ZNF619: variants seen among roughly 807,000 people sequenced by gnomAD.
The protein encoded by ZNF619 is zinc finger protein 619.
A neutral mutation model predicts 14.2 loss-of-function variants in ZNF619; 9 were observed. The observed-to-expected ratio is 0.64, with a 90% CI of 0.38 to 1.11. The LOEUF (loss-of-function observed/expected upper bound fraction) is 1.11, where lower values mean the gene tolerates loss of function less well. ZNF619 is among the 50% of genes least tolerant of loss of function. The pLI, the probability that ZNF619 is intolerant of heterozygous loss-of-function variation, is 0.01. For missense variants in ZNF619, 659 were observed against 680.1 expected (o/e 0.97, Z 0.34); for synonymous variants, 246 against 252.8 (o/e 0.97, Z 0.26).
Position 40,482,560 on chromosome 3 carries a change from C to T in ZNF619, c.179-28C>T, listed in dbSNP as rs1239566607. 8.7e-6 allele frequency: 14 copies of T among 1,608,300 alleles called. No homozygotes were observed. In the Admixed American group the frequency reaches 2.3e-4, roughly 27 times the overall value. On this transcript the variant is annotated intron_variant, in intron 3 of 4. Coordinates refer to ENST00000432264, the MANE Select transcript of ZNF619 (RefSeq NM_001145093.4). ...GGAGGTCAGTGTTGATTCTCCTCAG[C>T]TTCATGTTCCTTTTCTTTCTCCTGT...
chr3:40,483,308 T>G (rs1559537334), intron 4 of ZNF619, among the ~76,000 whole-genome samples: 1 of 151,820 alleles, frequency 6.6e-6, no homozygotes, highest in Admixed American at 6.6e-5. Flanking sequence ...TTTTTTTTTT[T>G]GAGATGGAGT....
At chr3:40,482,287 C>T (rs1277412651) in intron 3 of ZNF619, 19 of 1,551,892 alleles carry the variant, frequency 1.2e-5, no homozygotes, top group Middle Eastern at 3.3e-4. Context: ...GTTCCTGGTG[C>T]ACTGTCTTCA....
At position 40,478,013 on chromosome 3, in the gene ZNF619, G is replaced by C. The variant is rs1175646883; in HGVS notation, c.24+10G>C. 1.3e-6 allele frequency: 2 copies of C among 1,552,786 alleles called. No homozygotes were observed. The highest frequency in any genetic ancestry group is 1.7e-6 in the Non-Finnish European group (2 of 1,147,430). On this transcript the variant is annotated intron_variant, in intron 2 of 4. Transcript: ENST00000432264. The stretch of plus-strand genomic sequence containing the variant: ...GACAGTGTGGTTCCAGGTGAGCAGA[G>C]CTTTCTTTCAGCTTTCCATACTCAG...
rs146373910 is a variant in ZNF619 at position 40,486,753 on chromosome 3, T to C, written c.296-53T>C. Reference sequence around the variant, plus strand: ...GGGCAAGCTGTTACTGATTAACCCTTTTCCCTTCTGGAATAAATAAGGGAC... The same window carrying C: ...GGGCAAGCTGTTACTGATTAACCCTCTTCCCTTCTGGAATAAATAAGGGAC... On this transcript the variant is annotated intron_variant, in intron 4 of 4. Transcript: ENST00000432264. 262 of 1,431,908 alleles carry C rather than the reference T, an allele frequency of 1.8e-4. 2 individuals carry two copies. The African/African-American group carries it at 2.0e-3, about 11-fold the overall frequency. The allele number at this position is 1,431,908 out of a possible 1,614,324, so 88.7% of individuals were successfully genotyped here.
chr3:40,482,598 A>G lies in ZNF619; in HGVS notation c.189A>G (p.Pro63=). The change falls in exon 4 of 5, where the codon CCA becomes CCG. Residue 63 remains proline, a synonymous_variant. Coordinates refer to ENST00000432264, the MANE Select transcript of ZNF619 (RefSeq NM_001145093.4). The part of the protein sequence containing the change: ...YANVTSLSAF[P]FPKPDLIFQL... ...TTCTTTCTCCTGTAGCAGCATTTCC[A>G]TTCCCCAAACCAGATCTGATATTCC... 6.2e-7 allele frequency: 1 copy of G among 1,614,016 alleles called. No individual in the cohort carries two copies. The highest frequency in any genetic ancestry group is 8.5e-7 in the Non-Finnish European group (1 of 1,180,008).
intron 2 of ZNF619, among the ~76,000 whole-genome samples, chr3:40,481,231 G>A (rs948193950): frequency 2.0e-5 from 3 of 152,178 alleles, no homozygotes; most frequent in Non-Finnish European, 4.4e-5. Flanking sequence ...ATAATGAAGA[G>A]GACAGCATTG....
At chr3:40,480,589 C>G (rs1301608514) in intron 2 of ZNF619, among the ~76,000 whole-genome samples, 1 of 151,552 alleles carries the variant, frequency 6.6e-6, no homozygotes, top group Non-Finnish European at 1.5e-5. Flanking sequence ...AGCTCTGCCT[C>G]CGGGGTTCAC....
chr3:40,482,680 G>C lies in ZNF619; in HGVS notation c.271G>C (p.Glu91Gln), dbSNP rs202139993. 1.9e-6 allele frequency: 3 copies of C among 1,613,852 alleles called. No homozygotes were observed. The highest frequency in any genetic ancestry group is 2.5e-6 in the Non-Finnish European group (3 of 1,179,872). ...GPDPWTLAGG[E>Q]ALRGMCTGGK... is the part of the protein sequence containing the mutation. ...AGATCCCTGGACACTTGCTGGGGGA[G>C]AGGCCCTGAGAGGCATGTGCACAGG... is the stretch of plus-strand genomic sequence containing the variant. The change falls in exon 4 of 5, where the codon GAG (glutamate) becomes CAG (glutamine). Residue 91 changes from glutamate (E) to glutamine (Q), a missense_variant. Glu to Gln is a conservative substitution (Grantham distance 29, BLOSUM62 2). Coordinates refer to ENST00000432264, the MANE Select transcript of ZNF619 (RefSeq NM_001145093.4).
intron 2 of ZNF619, among the ~76,000 whole-genome samples, chr3:40,478,274 T>C (rs1236799626): frequency 6.6e-6 from 1 of 152,168 alleles, no homozygotes; most frequent in Non-Finnish European, 1.5e-5. Flanking sequence ...AGCTTTTGCA[T>C]TACAGAGGGC....
chr3:40,489,053 TA>T lies in ZNF619; in HGVS notation c.*818del, dbSNP rs1285168049. 2 of 152,056 alleles carry T rather than the reference TA, an allele frequency of 1.3e-5. No homozygotes were observed. The highest frequency in any genetic ancestry group is 2.9e-5 in the Non-Finnish European group (2 of 67,996). 9.4% of individuals were successfully genotyped at this position (152,056 alleles called of 1,614,324 possible). ...GGAATTTTTTATTACCTTGATAGTA[TA>T]AAAAATTATGAGGGTCCTTTTATGC... On this transcript the variant is annotated 3_prime_UTR_variant, in exon 5 of 5. Transcript: ENST00000432264.
chr3:40,479,222 TCTCTCTTTTAGGAACC>T (rs1256841099), intron 2 of ZNF619, among the ~76,000 whole-genome samples: 1 of 152,138 alleles, frequency 6.6e-6, no homozygotes, highest in Non-Finnish European at 1.5e-5. Context: ...AAGATGAACC[TCTCTCTTTTAGGAACC>T]TTCCCATAAG....
intron 4 of ZNF619, among the ~76,000 whole-genome samples, chr3:40,483,973 T>A (rs1697496435): frequency 6.6e-6 from 1 of 151,918 alleles, no homozygotes; most frequent in East Asian, 1.9e-4. Context: ...TCACTCAGGC[T>A]AGAGTGCAGT....
intron 4 of ZNF619, 132 bp downstream of exon 4, chr3:40,482,836 A>G: frequency 1.5e-6 from 1 of 674,762 alleles, no homozygotes; most frequent in Non-Finnish European, 2.5e-6. Context: ...TATTCAAAGA[A>G]GTGTTGCTTA....
chr3:40,487,343 A>T lies in ZNF619; in HGVS notation c.833A>T (p.His278Leu). The change falls in exon 5 of 5, where the codon CAT (histidine) becomes CTT (leucine). Residue 278 changes from histidine to leucine, a missense_variant. Transcript: ENST00000432264. The stretch of plus-strand genomic sequence containing the variant: ...AGTCAAAATTCCCACCTTCTTCAGC[A>T]TCAGAAGCTCCATGGTGGACAGAGG... ...AFSQNSHLLQ[H>L]QKLHGGQRPY... 2 of 1,614,246 alleles carry T rather than the reference A, an allele frequency of 1.2e-6. No homozygotes were observed. The highest frequency in any genetic ancestry group is 1.7e-6 in the Non-Finnish European group (2 of 1,180,038).
intron 2 of ZNF619, among the ~76,000 whole-genome samples, chr3:40,481,363 A>C (rs1012713343): frequency 2.0e-5 from 3 of 152,208 alleles, no homozygotes; most frequent in African/African-American, 7.2e-5. Context: ...CATCACCTTC[A>C]AGGGAGAACT....
At chr3:40,483,109 CT>C (rs979447278) in intron 4 of ZNF619, among the ~76,000 whole-genome samples, 12 of 152,130 alleles carry the variant, frequency 7.9e-5, no homozygotes, top group Non-Finnish European at 1.5e-4. Context: ...ACTCAGGAGG[CT>C]GAGGCTGGAG....
At chr3:40,491,053 AC>A (rs1697788682), downstream of ZNF619, among the ~76,000 whole-genome samples, 1 of 152,226 alleles carries the variant, frequency 6.6e-6, no homozygotes, top group Admixed American at 6.5e-5. Context: ...TTTATAAATT[AC>A]CCAATCTGTG....
chr3:40,482,639 A>C lies in ZNF619; in HGVS notation c.230A>C (p.Glu77Ala). ...PDLIFQLEQG[E>A]AAWGPDPWTL... Reference sequence around the variant, plus strand: ...CTGATATTCCAGCTGGAGCAAGGAGAAGCAGCATGGGGCCCAGATCCCTGG... The same window carrying C: ...CTGATATTCCAGCTGGAGCAAGGAGCAGCAGCATGGGGCCCAGATCCCTGG... Residue 77 changes from glutamate (E) to alanine (A), a missense_variant, in exon 4 of 5, where the codon GAA becomes GCA. Coordinates refer to ENST00000432264, the MANE Select transcript of ZNF619 (RefSeq NM_001145093.4). The C allele has an allele frequency of 6.2e-7, 1 of 1,614,144 alleles. No individual in the cohort carries two copies. The highest frequency in any genetic ancestry group is 8.5e-7 in the Non-Finnish European group (1 of 1,180,030).
At chr3:40,482,794 A>G (rs1211371829) in intron 4 of ZNF619, 90 bp downstream of exon 4, 3 of 985,020 alleles carry the variant, frequency 3.0e-6, no homozygotes, top group African/African-American at 1.6e-5. Context: ...TCCTTGTCAT[A>G]TGATGGTTGT....
Sources: allele counts gnomAD v4.1 joint callset (sites outside exome capture counted in the v4.1 genomes callset), GRCh38; gene constraint gnomAD v4.1.1; transcripts MANE v1.5; gene names NCBI Gene and HGNC (gene_info 2026-07-23, HGNC 2026-07-21).